The following CNTNAP2 variants were observed in gnomAD, a reference collection of about 807,000 sequenced individuals.
CNTNAP2 encodes contactin-associated protein-like 2.
A neutral mutation model predicts 155.2 loss-of-function variants in CNTNAP2; 98 were observed. That is an observed-to-expected ratio of 0.63 (90% CI 0.54 to 0.75). CNTNAP2 has a LOEUF of 0.75. Ranked by LOEUF, CNTNAP2 falls within the 30% of genes least tolerant of loss-of-function variation. The probability of loss-of-function intolerance (pLI) is 0.00; values close to 1 mark genes in which losing one functional copy is unlikely to be tolerated. For synonymous variants in CNTNAP2, 651 were observed against 631.2 expected (o/e 1.03, Z -0.47); for missense variants, 1,727 against 1,688.1 (o/e 1.02, Z -0.40).
At chr7:148,221,631 C>G (rs1795748644) in intron 19 of CNTNAP2, among the ~76,000 whole-genome samples, 1 of 152,144 alleles carries the variant, frequency 6.6e-6, no homozygotes, top group Admixed American at 6.5e-5. Flanking sequence ...TCAGTAAGGT[C>G]TACGCCAAAG....
intron 20 of CNTNAP2, among the ~76,000 whole-genome samples, chr7:148,230,102 T>C (rs1435721647): frequency 6.6e-6 from 1 of 152,250 alleles, no homozygotes; most frequent in Non-Finnish European, 1.5e-5. Context: ...CGCCAAGCTC[T>C]CAGACATCTG....
In CNTNAP2 at chr7:146,899,247, A is replaced by G. The variant is rs11982292; in HGVS notation, c.402+59343A>G. 9.1e-3 allele frequency among the ~76,000 whole-genome samples: 1,383 copies of G among 152,206 alleles called. 21 individuals carry two copies. The highest frequency in any genetic ancestry group is 0.032 in the African/African-American group (1,342 of 41,532). On this transcript the variant is annotated intron_variant, in intron 3 of 23. Transcript: ENST00000361727. ...TTAATCTCATGTTGCTGACTTCCCA[A>G]ATTCCATCTCCATTACAATCCCATT...
chr7:148,308,474 AAGT>A (rs1311822438), intron 21 of CNTNAP2, among the ~76,000 whole-genome samples: 1 of 152,056 alleles, frequency 6.6e-6, no homozygotes, highest in Non-Finnish European at 1.5e-5. Flanking sequence ...ATTTTTTAAA[AAGT>A]AGATCCAATT....
chr7:146,141,666 A>G (rs1797883720), intron 1 of CNTNAP2, among the ~76,000 whole-genome samples: 1 of 152,112 alleles, frequency 6.6e-6, no homozygotes, highest in South Asian at 2.1e-4. Flanking sequence ...TTTTCTTTTC[A>G]AGCATTAAAA....
chr7:146,599,068 T>TA (rs1163808136), intron 1 of CNTNAP2, among the ~76,000 whole-genome samples: 1 of 152,050 alleles, frequency 6.6e-6, no homozygotes, highest in Non-Finnish European at 1.5e-5. Context: ...CCCTGTCATA[T>TA]AAAAAATAAC....
chr7:148,286,786 G>A (rs73464166), intron 21 of CNTNAP2, among the ~76,000 whole-genome samples: 22,158 of 152,154 alleles, frequency 0.15, 2,081 homozygotes, highest in African/African-American at 0.26. Flanking sequence ...TCAATTGACT[G>A]TAATTTAGAG....
At chr7:147,176,797 TATA>T (rs1802354039) in intron 8 of CNTNAP2, among the ~76,000 whole-genome samples, 1 of 123,896 alleles carries the variant, frequency 8.1e-6, no homozygotes, top group African/African-American at 3.2e-5. Context: ...AATTATATAT[TATA>T]ATATATAATA....
chr7:146,454,056 G>A (rs952750443), intron 1 of CNTNAP2, among the ~76,000 whole-genome samples: 1 of 152,036 alleles, frequency 6.6e-6, no homozygotes. Flanking sequence ...AATGGAAAAA[G>A]CTAAAGTACA....
At chr7:147,962,360 G>A (rs1801131409) in intron 14 of CNTNAP2, among the ~76,000 whole-genome samples, 1 of 152,216 alleles carries the variant, frequency 6.6e-6, no homozygotes. Flanking sequence ...AGCTCAGGAA[G>A]CTATGCAAGA....
intron 2 of CNTNAP2, among the ~76,000 whole-genome samples, chr7:146,807,118 G>A (rs955778013): frequency 7.2e-5 from 11 of 151,794 alleles, no homozygotes; most frequent in African/African-American, 2.7e-4. Flanking sequence ...TTATACAAAT[G>A]GTACACATTT....
intron 10 of CNTNAP2, among the ~76,000 whole-genome samples, chr7:147,398,430 A>C (rs1188558799): frequency 6.6e-6 from 1 of 151,498 alleles, no homozygotes; most frequent in Admixed American, 6.6e-5. Flanking sequence ...AAATGAGAAC[A>C]TAGGGTAAAA....
At chr7:147,029,102 C>T (rs946803905) in intron 3 of CNTNAP2, among the ~76,000 whole-genome samples, 79 of 151,648 alleles carry the variant, frequency 5.2e-4, no homozygotes, top group Non-Finnish European at 9.0e-4. Context: ...TAGCTGGGAC[C>T]ACAGGCACCC....
At chr7:146,866,455 CACTA>C (rs1795207467) in intron 3 of CNTNAP2, among the ~76,000 whole-genome samples, 1 of 152,014 alleles carries the variant, frequency 6.6e-6, no homozygotes, top group African/African-American at 2.4e-5. Flanking sequence ...TAACCACTGA[CACTA>C]AATATGATGT....
chr7:146,439,084 C>T (rs1426233111), intron 1 of CNTNAP2, among the ~76,000 whole-genome samples: 1 of 151,432 alleles, frequency 6.6e-6, no homozygotes, highest in Non-Finnish European at 1.5e-5. Context: ...AAAAAAAGTA[C>T]CGCCACAGGT....
chr7:146,420,873 T>A (rs1796001944), intron 1 of CNTNAP2, among the ~76,000 whole-genome samples: 1 of 152,076 alleles, frequency 6.6e-6, no homozygotes, highest in African/African-American at 2.4e-5. Context: ...AGATCTATCT[T>A]TGGGGATTAA....
intron 15 of CNTNAP2, among the ~76,000 whole-genome samples, chr7:148,092,972 C>T (rs1030126410): frequency 2.4e-4 from 37 of 151,192 alleles, no homozygotes; most frequent in African/African-American, 8.5e-4. Context: ...TAATCCCCCA[C>T]ATCTTCTTCT....
chr7:147,701,641 T>C (rs1796237560), intron 13 of CNTNAP2, among the ~76,000 whole-genome samples: 1 of 152,198 alleles, frequency 6.6e-6, no homozygotes, highest in Admixed American at 6.5e-5. Context: ...TAAGTAGTCT[T>C]TTATCAGAAT....
chr7:147,315,478 CTTTTTTTTTTTTT>C (rs3050776), intron 9 of CNTNAP2, among the ~76,000 whole-genome samples: 1 of 103,940 alleles, frequency 9.6e-6, no homozygotes, highest in Non-Finnish European at 1.9e-5. Context: ...TTATTCTGGA[CTTTTTTTTTTTTT>C]TTTTTTTTGA....
At chr7:147,255,920 T>C (rs1415978399) in intron 8 of CNTNAP2, among the ~76,000 whole-genome samples, 2 of 151,932 alleles carry the variant, frequency 1.3e-5, no homozygotes, top group Non-Finnish European at 2.9e-5. Context: ...TTTGTATTTT[T>C]AGTAGAGACA....
Sources: allele counts gnomAD v4.1 joint callset (sites outside exome capture counted in the v4.1 genomes callset), GRCh38; gene constraint gnomAD v4.1.1; transcripts MANE v1.5; gene names NCBI Gene and HGNC (gene_info 2026-07-23, HGNC 2026-07-21).